SKI: variants seen among roughly 807,000 people sequenced by gnomAD.
SKI encodes the protein ski oncogene.
SKI carries 23 observed loss-of-function variants against 59.3 expected under a neutral mutation model. The ratio of observed to expected loss-of-function variants is 0.39; its 90% CI spans 0.28 to 0.55. The LOEUF (loss-of-function observed/expected upper bound fraction) is 0.55. SKI is among the 20% of genes least tolerant of loss of function. The pLI, the probability that SKI is intolerant of heterozygous loss-of-function variation, is 0.67. For missense variants in SKI, 1,017 were observed against 1,038.9 expected (o/e 0.98, Z 0.29); for synonymous variants, 673 against 488.6 (o/e 1.38, Z -4.98).
intron 1 of SKI, among the ~76,000 whole-genome samples, chr1:2,252,390 G>A (rs928606421): frequency 3.9e-5 from 6 of 152,154 alleles, no homozygotes; most frequent in Non-Finnish European, 7.3e-5. Context: ...TGATCCTGGT[G>A]CAGGGCTGCA....
chr1:2,266,994 G>A (rs747794873), intron 1 of SKI, among the ~76,000 whole-genome samples: 1 of 152,162 alleles, frequency 6.6e-6, no homozygotes, highest in Non-Finnish European at 1.5e-5. Flanking sequence ...TAAAAACATC[G>A]CTGAATTGTG....
chr1:2,242,780 A>G (rs958000783), intron 1 of SKI, among the ~76,000 whole-genome samples: 1 of 152,124 alleles, frequency 6.6e-6, no homozygotes, highest in Non-Finnish European at 1.5e-5. Flanking sequence ...TCAGCCTCCC[A>G]AAGTGCTGTG....
chr1:2,274,655 C>T (rs1053717255), intron 1 of SKI, among the ~76,000 whole-genome samples: 7 of 152,220 alleles, frequency 4.6e-5, no homozygotes, highest in African/African-American at 1.2e-4. Context: ...AGCCTCATAG[C>T]GGGCAGATAC....
At chr1:2,294,079 G>T (rs890965789) in intron 1 of SKI, among the ~76,000 whole-genome samples, 10 of 152,218 alleles carry the variant, frequency 6.6e-5, no homozygotes, top group Non-Finnish European at 1.2e-4. Flanking sequence ...ATGTCGTGCA[G>T]GAAGGTTCGA....
At chr1:2,302,078 T>G (rs532627822) in intron 1 of SKI, among the ~76,000 whole-genome samples, 17 of 152,350 alleles carry the variant, frequency 1.1e-4, no homozygotes, top group Non-Finnish European at 2.1e-4. Context: ...CACGTTTGCC[T>G]GAGGCTGGAT....
At position 2,310,117 on chromosome 1, in the gene SKI, A is replaced by G. The variant is rs1450025789; in HGVS notation, c.*3352A>G. 2 of 151,812 alleles carry G rather than the reference A, an allele frequency of 1.3e-5. No homozygotes were observed. The highest frequency in any genetic ancestry group is 4.8e-5 in the African/African-American group (2 of 41,296). The allele number at this position is 151,812 out of a possible 1,614,324, so 9.4% of individuals were successfully genotyped here. ...TTTATAAATGCCTGATTTAAAAAGA[A>G]AAGAGCTTGGCATATTTATCTATTT... On this transcript the variant is annotated 3_prime_UTR_variant, in exon 7 of 7. Coordinates refer to ENST00000378536, the MANE Select transcript of SKI (RefSeq NM_003036.4).
In SKI at chr1:2,228,750, G is replaced by A; in HGVS notation, c.-17G>A. 8.7e-7 allele frequency: 1 copy of A among 1,150,074 alleles called. No individual in the cohort carries two copies. Among genetic ancestry groups the A allele is most frequent in the Non-Finnish European group, 1.1e-6 (1 of 930,472 alleles). The allele number at this position is 1,150,074 out of a possible 1,614,324, so 71.2% of individuals were successfully genotyped here. ...GGCGCGCGGGAGCGGGAGCGGCCGG[G>A]GGAGCCGGAGCGCACCATGGAGGCG... On this transcript the variant is annotated 5_prime_UTR_variant, in exon 1 of 7. Coordinates refer to ENST00000378536, the MANE Select transcript of SKI (RefSeq NM_003036.4).
intron 1 of SKI, among the ~76,000 whole-genome samples, chr1:2,289,252 G>T (rs1451979118): frequency 6.6e-6 from 1 of 152,194 alleles, no homozygotes; most frequent in Non-Finnish European, 1.5e-5. Flanking sequence ...TGGCCCTCCT[G>T]CCTCCTCTCT....
chr1:2,287,462 G>A (rs1035246420), intron 1 of SKI, among the ~76,000 whole-genome samples: 9 of 151,006 alleles, frequency 6.0e-5, no homozygotes, highest in African/African-American at 4.9e-5. Flanking sequence ...TCAGCCTCCC[G>A]AGTAGCTGGG....
chr1:2,274,992 C>A (rs1021212716), intron 1 of SKI, among the ~76,000 whole-genome samples: 2 of 152,212 alleles, frequency 1.3e-5, no homozygotes, highest in African/African-American at 4.8e-5. Flanking sequence ...ATCCCCAGGC[C>A]GTGTGTGTCA....
At chr1:2,289,858 G>A (rs1198799058) in intron 1 of SKI, among the ~76,000 whole-genome samples, 1 of 152,100 alleles carries the variant, frequency 6.6e-6, no homozygotes, top group Non-Finnish European at 1.5e-5. Flanking sequence ...GCACCTGGCT[G>A]GGCTGACTGG....
intron 1 of SKI, among the ~76,000 whole-genome samples, chr1:2,286,942 T>C (rs890217790): frequency 3.3e-5 from 5 of 152,236 alleles, no homozygotes; most frequent in Admixed American, 3.3e-4. Context: ...AAGGTGAAAC[T>C]GTTCAGAATG....
intron 1 of SKI, among the ~76,000 whole-genome samples, chr1:2,260,953 A>G (rs1306204199): frequency 3.3e-5 from 5 of 152,140 alleles, no homozygotes; most frequent in African/African-American, 4.8e-5. Flanking sequence ...TAAGTTGTAT[A>G]TTTAGGTCTG....
intron 1 of SKI, among the ~76,000 whole-genome samples, chr1:2,289,953 C>T (rs1268098843): frequency 1.3e-5 from 2 of 152,144 alleles, no homozygotes; most frequent in Non-Finnish European, 1.5e-5. Flanking sequence ...CTCCAGGCCA[C>T]GTTGCTCCAG....
chr1:2,305,790 C>T (rs1186722881), intron 5 of SKI, among the ~76,000 whole-genome samples: 1 of 152,202 alleles, frequency 6.6e-6, no homozygotes, highest in East Asian at 1.9e-4. Context: ...CTCAGGCCCC[C>T]AGGTTTAGCA....
At chr1:2,256,015 G>A (rs999989191) in intron 1 of SKI, among the ~76,000 whole-genome samples, 2 of 149,746 alleles carry the variant, frequency 1.3e-5, no homozygotes, top group Non-Finnish European at 3.0e-5. Flanking sequence ...AACACACTGT[G>A]CCCGGACTGC....
In SKI at chr1:2,233,235, G is replaced by T. The variant is rs534833424; in HGVS notation, c.969+3500G>T. Among the ~76,000 whole-genome samples the T allele has an allele frequency of 5.4e-5, 8 of 147,528 alleles. No individual in the cohort carries two copies. In the East Asian group the frequency reaches 9.9e-4, roughly 18 times the overall value. ...GGGTTTCTGTTCCAACAGGGCTGGT[G>T]GGGGGGGTCCTGTTCCCAGAGGTCC... On this transcript the variant is annotated intron_variant, in intron 1 of 6. Transcript: ENST00000378536.
chr1:2,298,490 CCG>C (rs1640345142), intron 1 of SKI, among the ~76,000 whole-genome samples: 1 of 152,290 alleles, frequency 6.6e-6, no homozygotes. Context: ...TGTCCCCGGG[CCG>C]GATGGCTTTC....
Position 2,229,508 on chromosome 1 carries a change from C to T in SKI, c.742C>T (p.Leu248=), listed in dbSNP as rs763800117. The change falls in exon 1 of 7, where the codon CTG becomes TTG. Residue 248 remains leucine (L), a synonymous_variant. Transcript: ENST00000378536. This position sits in a 1 kb window ranked among gnomAD's most constrained non-coding sequence, Gnocchi z 6.3. ...SSPSAACIQC[L]DCRLMYPPHK... ...CCCGAGCGCCGCCTGCATCCAGTGCCTGGACTGCCGCCTCATGTACCCGCC... is the reference window on the plus strand; with the variant it reads ...CCCGAGCGCCGCCTGCATCCAGTGCTTGGACTGCCGCCTCATGTACCCGCC... 8.7e-6 allele frequency: 14 copies of T among 1,611,610 alleles called. No individual in the cohort carries two copies. The highest frequency in any genetic ancestry group is 1.3e-5 in the African/African-American group (1 of 74,940).
Sources: allele counts gnomAD v4.1 joint callset (sites outside exome capture counted in the v4.1 genomes callset), GRCh38; gene constraint gnomAD v4.1.1; non-coding constraint Gnocchi (gnomAD v3.1); transcripts MANE v1.5; gene names NCBI Gene and HGNC (gene_info 2026-07-23, HGNC 2026-07-21).